WWTR1: variants seen among roughly 807,000 people sequenced by gnomAD.
WWTR1 encodes the protein WW domain containing transcription regulator 1, also known as WW domain-containing transcription regulator protein 1.
WWTR1 carries 13 observed loss-of-function variants against 40.1 expected under a neutral mutation model. That is an observed-to-expected ratio of 0.32 (90% CI 0.21 to 0.52). The LOEUF (loss-of-function observed/expected upper bound fraction) is 0.52. WWTR1 is among the 20% of genes least tolerant of loss of function. The pLI is 0.97. For synonymous variants in WWTR1, 230 were observed against 210.1 expected (o/e 1.09, Z -0.82); for missense variants, 436 against 523.1 (o/e 0.83, Z 1.63).
At chr3:149,552,102 C>T (rs940232523) in intron 3 of WWTR1, among the ~76,000 whole-genome samples, 1 of 145,568 alleles carries the variant, frequency 6.9e-6, no homozygotes, top group African/African-American at 2.6e-5. Context: ...TTGAGCCATA[C>T]ATCTGAAGTA....
intron 2 of WWTR1, among the ~76,000 whole-genome samples, chr3:149,648,636 C>G (rs1576621179): frequency 6.6e-6 from 1 of 152,110 alleles, no homozygotes; most frequent in Non-Finnish European, 1.5e-5. Flanking sequence ...AAATAATGTT[C>G]CAGGCAAAGG....
intron 4 of WWTR1, among the ~76,000 whole-genome samples, chr3:149,718,690 T>C (rs541172823): frequency 6.6e-6 from 1 of 152,356 alleles, no homozygotes; most frequent in Admixed American, 6.5e-5. Context: ...CTCTATGATT[T>C]TGACTACTTT....
chr3:149,614,212 C>T (rs1739863181), intron 2 of WWTR1, among the ~76,000 whole-genome samples: 1 of 152,178 alleles, frequency 6.6e-6, no homozygotes, highest in Non-Finnish European at 1.5e-5. Flanking sequence ...CAACAGTGGG[C>T]CCATAAGATC....
intron 6 of WWTR1, among the ~76,000 whole-genome samples, chr3:149,525,409 G>A (rs989009146): frequency 2.0e-5 from 3 of 151,876 alleles, no homozygotes; most frequent in Admixed American, 2.0e-4. Flanking sequence ...GTGTCTTGAT[G>A]CAATTGTGAG....
At chr3:149,702,214 G>A (rs1050783382) in intron 1 of WWTR1, 1 of 153,230 alleles carries the variant, frequency 6.5e-6, no homozygotes, top group Non-Finnish European at 1.5e-5. Context: ...GAATGGAAAA[G>A]TTTGCCATAT....
chr3:149,637,155 T>A (rs530359302), intron 2 of WWTR1, among the ~76,000 whole-genome samples: 1 of 152,046 alleles, frequency 6.6e-6, no homozygotes, highest in African/African-American at 2.4e-5. Context: ...TATTATTACA[T>A]CTAATCTAAA....
intron 4 of WWTR1, among the ~76,000 whole-genome samples, chr3:149,720,598 T>A (rs147142329): frequency 6.6e-6 from 1 of 152,086 alleles, no homozygotes; most frequent in African/African-American, 2.4e-5. Context: ...TTTGACTATT[T>A]AGAGTTCCTT....
chr3:149,615,579 G>A (rs1008339157), intron 2 of WWTR1, among the ~76,000 whole-genome samples: 7 of 152,086 alleles, frequency 4.6e-5, no homozygotes, highest in African/African-American at 7.2e-5. Context: ...CTCCAATTAC[G>A]AATCAGTATT....
intron 3 of WWTR1, among the ~76,000 whole-genome samples, chr3:149,547,524 C>T (rs1347768276): frequency 6.6e-6 from 1 of 151,658 alleles, no homozygotes; most frequent in Admixed American, 6.6e-5. Flanking sequence ...GAAACTCCAG[C>T]TTAAAAAAAA....
At chr3:149,662,983 T>C (rs1310050969), upstream of WWTR1, among the ~76,000 whole-genome samples, 3 of 152,146 alleles carry the variant, frequency 2.0e-5, no homozygotes, top group South Asian at 2.1e-4. Flanking sequence ...TCCTTGTTCT[T>C]GTCTTTTTCA....
At chr3:149,543,983 G>A (rs1427115713) in intron 3 of WWTR1, among the ~76,000 whole-genome samples, 4 of 151,442 alleles carry the variant, frequency 2.6e-5, no homozygotes, top group African/African-American at 7.3e-5. Flanking sequence ...GCCTAGGCTG[G>A]TCTTGAATTC....
At chr3:149,664,251 C>A (rs1271667559) in intron 2 of WWTR1, among the ~76,000 whole-genome samples, 1 of 152,156 alleles carries the variant, frequency 6.6e-6, no homozygotes, top group Non-Finnish European at 1.5e-5. Context: ...TGAAGAGGAG[C>A]AAAACAGACA....
chr3:149,577,444 G>C (rs1218253418), intron 2 of WWTR1, among the ~76,000 whole-genome samples: 1 of 152,184 alleles, frequency 6.6e-6, no homozygotes. Context: ...ATAAGCGGGA[G>C]TGGGCTTTTT....
chr3:149,593,310 G>A lies in WWTR1; in HGVS notation c.432-20310C>T, dbSNP rs114677201. ...TTTGTCTCCACAATGTTAATGCACCGTACACTACTCATGAAGCCCTCATAA... is the reference window on the plus strand; with the variant it reads ...TTTGTCTCCACAATGTTAATGCACCATACACTACTCATGAAGCCCTCATAA... On this transcript the variant is annotated intron_variant, in intron 2 of 6. Coordinates refer to ENST00000360632, the MANE Select transcript of WWTR1 (RefSeq NM_015472.6). Among the ~76,000 whole-genome samples the A allele has an allele frequency of 3.3e-3, 499 of 152,062 alleles. 2 individuals carry two copies. Among genetic ancestry groups the A allele is most frequent in the African/African-American group, 0.011 (459 of 41,478 alleles).
chr3:149,652,620 CAAAAAAAAAAAAAAAAAAAAAA>C (rs758013561), intron 2 of WWTR1, among the ~76,000 whole-genome samples: 137 of 20,220 alleles, frequency 6.8e-3, no homozygotes, highest in African/African-American at 0.015. Flanking sequence ...GACCCCATCT[CAAAAAAAAAAAAAAAAAAAAAA>C]AAAAAAAAAA....
At chr3:149,692,655 C>T (rs6783854) in intron 1 of WWTR1, among the ~76,000 whole-genome samples, 13,907 of 150,350 alleles carry the variant, frequency 0.092, 806 homozygotes, top group African/African-American at 0.16. Flanking sequence ...TTGTTTGAGA[C>T]GGAGTTTCAT....
At chr3:149,609,643 C>T (rs926973002) in intron 2 of WWTR1, among the ~76,000 whole-genome samples, 1 of 152,106 alleles carries the variant, frequency 6.6e-6, no homozygotes, top group Non-Finnish European at 1.5e-5. Flanking sequence ...ACTTTATGGC[C>T]CATGAAGTCT....
chr3:149,527,838 A>C lies in WWTR1; in HGVS notation c.903T>G (p.Asn301Lys). ...GTGGCCCCCAAATATTAACTTACCC[A>C]TTGAGGAAAGGATCTGAGCTATTAT... is the stretch of plus-strand genomic sequence containing the variant. The part of the protein sequence containing the change: ...ITNNSSDPFL[N>K]GGPYHSREQS... Residue 301 changes from asparagine (N) to lysine (K), a missense_variant and splice_region_variant, in exon 5 of 7, where the codon AAT becomes AAG. Coordinates refer to ENST00000360632, the MANE Select transcript of WWTR1 (RefSeq NM_015472.6). The C allele has an allele frequency of 6.2e-7, 1 of 1,613,984 alleles. No homozygotes were observed. The highest frequency in any genetic ancestry group is 8.5e-7 in the Non-Finnish European group (1 of 1,179,970).
In WWTR1 at chr3:149,573,407, C is replaced by A. The variant is rs148873571; in HGVS notation, c.432-407G>T. On this transcript the variant is annotated intron_variant, in intron 2 of 6. Transcript: ENST00000360632. ...TCACCTTCCCAGCCAGTACCCCATA[C>A]TCTCCTGACTCATAGAATTGACATA... Among the ~76,000 whole-genome samples, 1,334 of 152,286 alleles carry A rather than the reference C, an allele frequency of 8.8e-3. 10 individuals carry two copies. Among genetic ancestry groups the A allele is most frequent in the South Asian group, 0.037 (177 of 4,822 alleles).
Sources: gnomAD v4.1 joint callset for allele counts (sites outside exome capture counted in the v4.1 genomes callset) on GRCh38, gnomAD v4.1.1 for gene constraint, MANE v1.5 for transcripts, NCBI Gene and HGNC (gene_info 2026-07-23, HGNC 2026-07-21) for gene names.